Variants in JPH3 observed in about 807,000 individuals in gnomAD.
The protein encoded by JPH3 is junctophilin-3.
A neutral mutation model predicts 59.6 loss-of-function variants in JPH3; 11 were observed. The observed-to-expected ratio is 0.18, with a 90% CI of 0.12 to 0.31. The LOEUF is 0.31. Among genes scored for constraint, JPH3 ranks in the 10% least tolerant of loss-of-function variants. The pLI is 1.00. For synonymous variants in JPH3, 673 were observed against 483.6 expected, an observed-to-expected ratio of 1.39 and a Z score of -5.14; for missense variants, 1,202 against 1,105.7, an observed-to-expected ratio of 1.09 and a Z score of -1.24.
At chr16:87,632,377 G>A (rs2031591833) in intron 1 of JPH3, among the ~76,000 whole-genome samples, 1 of 152,220 alleles carries the variant, frequency 6.6e-6, no homozygotes, top group African/African-American at 2.4e-5. Flanking sequence ...TCTGCAGAAG[G>A]AGAGAAAACT....
At chr16:87,628,186 G>A (rs1485413757) in intron 1 of JPH3, among the ~76,000 whole-genome samples, 1 of 152,258 alleles carries the variant, frequency 6.6e-6, no homozygotes, top group African/African-American at 2.4e-5. Context: ...CCAGCAGGAC[G>A]CCCAGGTCTC....
chr16:87,666,131 C>G (rs1411513599), intron 2 of JPH3, among the ~76,000 whole-genome samples: 1 of 151,362 alleles, frequency 6.6e-6, no homozygotes, highest in Non-Finnish European at 1.5e-5. Context: ...GCTCATTGCC[C>G]AGGCTGGAGT....
intron 2 of JPH3, among the ~76,000 whole-genome samples, chr16:87,677,241 C>G (rs1288359195): frequency 8.4e-6 from 1 of 119,664 alleles, no homozygotes; most frequent in Admixed American, 8.8e-5. Flanking sequence ...AAAAAATTAG[C>G]CGGGTGTGGT....
intron 1 of JPH3, among the ~76,000 whole-genome samples, chr16:87,637,496 G>A (rs1354199598): frequency 6.6e-6 from 1 of 151,898 alleles, no homozygotes; most frequent in East Asian, 1.9e-4. Flanking sequence ...GCCGGTGTTG[G>A]GCCTGAAGTG....
Position 87,641,543 on chromosome 16 carries a change from C to G in JPH3, c.383-2715C>G, listed in dbSNP as rs1378800231. ...AGACCACCTCATTCGGCCCCGTCCT[C>G]TGCTGCCACGTCCTTCTTCCTGGTA... On this transcript the variant is annotated intron_variant, in intron 1 of 4. Coordinates refer to ENST00000284262, the MANE Select transcript of JPH3 (RefSeq NM_020655.4). Among the ~76,000 whole-genome samples the G allele has an allele frequency of 2.6e-5, 4 of 152,358 alleles. No individual in the cohort carries two copies. In the East Asian group the frequency reaches 7.7e-4, roughly 29 times the overall value.
chr16:87,664,557 G>T (rs147277303), intron 2 of JPH3, among the ~76,000 whole-genome samples: 15 of 152,202 alleles, frequency 9.9e-5, no homozygotes, highest in African/African-American at 3.6e-4. Flanking sequence ...CCTGGGAGGC[G>T]GAGGTTGCAG....
chr16:87,682,233 G>A (rs1239681672), intron 2 of JPH3, among the ~76,000 whole-genome samples: 2 of 152,042 alleles, frequency 1.3e-5, no homozygotes, highest in Non-Finnish European at 2.9e-5. Flanking sequence ...TTTTCTTCTA[G>A]TAAAATTGTT....
At chr16:87,626,250 G>C (rs1468488725) in intron 1 of JPH3, among the ~76,000 whole-genome samples, 1 of 152,124 alleles carries the variant, frequency 6.6e-6, no homozygotes, top group Non-Finnish European at 1.5e-5. Context: ...ATATTTCATT[G>C]TGCACACGTG....
rs1354448370 is a variant in JPH3 at position 87,659,374 on chromosome 16, C to CAAAAAAAAAAAAAAAAAAAAAAAAAAA, written c.1160+14351_1160+14352insAAAAAAAAAAAAAAAAAAAAAAAAAAA. 1.7e-4 allele frequency among the ~76,000 whole-genome samples: 13 copies of CAAAAAAAAAAAAAAAAAAAAAAAAAAA among 74,532 alleles called. 1 individual carries two copies. Among genetic ancestry groups the CAAAAAAAAAAAAAAAAAAAAAAAAAAA allele is most frequent in the East Asian group, 3.6e-4 (1 of 2,768 alleles). The allele number at this position is 74,532 out of a possible 152,430, so 48.9% of individuals were successfully genotyped here. A position where few individuals can be genotyped will look rare whatever the true frequency, so the allele number is the denominator to read the frequency against. ...CCTGGGTGACAGAGTAAGACTGTCT[C>CAAAAAAAAAAAAAAAAAAAAAAAAAAA]AAAAAAAAAAAAGAAAAAAAAAAAG... On this transcript the variant is annotated intron_variant, in intron 2 of 4. Transcript: ENST00000284262.
At position 87,689,665 on chromosome 16, in the gene JPH3, G is replaced by A. The variant is rs755283278; in HGVS notation, c.1305G>A (p.Pro435=). The A allele has an allele frequency of 4.0e-5, 65 of 1,611,950 alleles. No individual in the cohort carries two copies. Among genetic ancestry groups the A allele is most frequent in the East Asian group, 1.3e-4 (6 of 44,854 alleles). The part of the protein sequence containing the change: ...HRENGLEYQR[P]KRQTSCDDIE... ...ATACAGGGCTGGAGTACCAGAGGCCGAAGCGTCAGACCTCCTGTGACGACA... is the reference window on the plus strand; with the variant it reads ...ATACAGGGCTGGAGTACCAGAGGCCAAAGCGTCAGACCTCCTGTGACGACA... The change falls in exon 4 of 5, where the codon CCG becomes CCA. Residue 435 remains proline (P), a synonymous_variant. Transcript: ENST00000284262.
At chr16:87,638,999 G>A (rs1344653565) in intron 1 of JPH3, among the ~76,000 whole-genome samples, 2 of 152,204 alleles carry the variant, frequency 1.3e-5, no homozygotes, top group East Asian at 1.9e-4. Flanking sequence ...TCCAGACTCT[G>A]CCTCAGGTGA....
Position 87,618,815 on chromosome 16 carries a change from C to T in JPH3, c.382+15287C>T, listed in dbSNP as rs184165608. Reference sequence around the variant, plus strand: ...AAAAATTGGGTTATTTCAGGCCGGGCGCAGTGCTCACACCTGTAATTCCAG... The same window carrying T: ...AAAAATTGGGTTATTTCAGGCCGGGTGCAGTGCTCACACCTGTAATTCCAG... On this transcript the variant is annotated intron_variant, in intron 1 of 4. Transcript: ENST00000284262. 8.0e-3 allele frequency among the ~76,000 whole-genome samples: 1,214 copies of T among 152,184 alleles called. 16 individuals are homozygous for T. Among genetic ancestry groups the T allele is most frequent in the Admixed American group, 0.011 (165 of 15,284 alleles).
chr16:87,677,029 G>C (rs944962834), intron 2 of JPH3, among the ~76,000 whole-genome samples: 3 of 151,334 alleles, frequency 2.0e-5, no homozygotes, highest in Non-Finnish European at 2.9e-5. Context: ...CGTGGTGGCG[G>C]GCGCCTGTAG....
chr16:87,635,765 G>T (rs825589), intron 1 of JPH3, among the ~76,000 whole-genome samples: 2 of 151,958 alleles, frequency 1.3e-5, no homozygotes, highest in African/African-American at 4.8e-5. Flanking sequence ...TTGTTCCTCA[G>T]CTGGGGTCCA....
At chr16:87,667,696 C>T (rs1012776345) in intron 2 of JPH3, among the ~76,000 whole-genome samples, 6 of 152,178 alleles carry the variant, frequency 3.9e-5, no homozygotes, top group Non-Finnish European at 7.3e-5. Context: ...CCTGGCCTCC[C>T]GGAGCTTCCC....
chr16:87,656,339 G>A (rs1051070328), intron 2 of JPH3, among the ~76,000 whole-genome samples: 2 of 152,220 alleles, frequency 1.3e-5, no homozygotes, highest in African/African-American at 4.8e-5. Context: ...GACGGGGGGT[G>A]GGTTAGGATT....
At chr16:87,648,413 A>G (rs567140617) in intron 2 of JPH3, among the ~76,000 whole-genome samples, 1 of 151,774 alleles carries the variant, frequency 6.6e-6, no homozygotes, top group South Asian at 2.1e-4. Context: ...TCCTGCCACT[A>G]TCACAGTCGA....
At chr16:87,694,176 T>G (rs78287156) in intron 4 of JPH3, 3,692 of 152,656 alleles carry the variant, frequency 0.024, 162 homozygotes, top group African/African-American at 0.084. Flanking sequence ...GGGCAGCAGC[T>G]TGCTCAAGGC....
chr16:87,604,927 G>T (rs888657996), intron 1 of JPH3: 5 of 449,446 alleles, frequency 1.1e-5, no homozygotes, highest in African/African-American at 6.0e-5. Context: ...ACCCTGGGGC[G>T]CTGAGGGCCG....
Sources: allele counts gnomAD v4.1 joint callset (sites outside exome capture counted in the v4.1 genomes callset), GRCh38; gene constraint gnomAD v4.1.1; transcripts MANE v1.5; gene names NCBI Gene and HGNC (gene_info 2026-07-23, HGNC 2026-07-21).